The following MRPL21 variants were observed in gnomAD, a reference collection of about 807,000 sequenced individuals.
MRPL21 encodes the protein mitochondrial ribosomal protein L21.
In MRPL21, 20 loss-of-function variants were observed where a neutral mutation model predicts 27.3. That is an observed-to-expected ratio of 0.73 (90% CI 0.52 to 1.06). MRPL21 has a LOEUF of 1.06. Ranked by LOEUF, MRPL21 falls within the 50% of genes least tolerant of loss-of-function variation. The probability of loss-of-function intolerance (pLI) is 0.00; values close to 1 mark genes in which losing one functional copy is unlikely to be tolerated. For missense variants in MRPL21, 249 were observed against 251.4 expected, an observed-to-expected ratio of 0.99 and a Z score of 0.06; for synonymous variants, 98 against 101.5, an observed-to-expected ratio of 0.97 and a Z score of 0.21.
Position 68,902,002 on chromosome 11 carries a change from G to A in MRPL21, c.89-1397C>T, listed in dbSNP as rs142409937. ...AATCCATCCCACTATTAAAAACTTA[G>A]CAGGCTTCTGTACCTAATTTGCTTC... On this transcript the variant is annotated intron_variant, in intron 1 of 6. Coordinates refer to ENST00000362034, the MANE Select transcript of MRPL21 (RefSeq NM_181514.2). Among the ~76,000 whole-genome samples the A allele has an allele frequency of 2.4e-3, 362 of 152,306 alleles. 2 individuals are homozygous for A. Among genetic ancestry groups the A allele is most frequent in the African/African-American group, 8.4e-3 (348 of 41,552 alleles).
Position 68,893,427 on chromosome 11 carries a change from G to A in MRPL21, c.425C>T (p.Thr142Met), listed in dbSNP as rs757166826. The change falls in exon 5 of 7, where the codon ACG (threonine) becomes ATG (methionine). Residue 142 changes from threonine (T) to methionine (M), a missense_variant. Transcript: ENST00000362034. ...CCCGAGGAGTGGCTTGCCAAGCAGCGTGAAGTTGTCTGCCCCAACCAGCAG... is the reference window on the plus strand; with the variant it reads ...CCCGAGGAGTGGCTTGCCAAGCAGCATGAAGTTGTCTGCCCCAACCAGCAG... ...KVLLVGADNFTLLGKPLLGKD... is the reference protein window; with the variant it reads ...KVLLVGADNFMLLGKPLLGKD... 1.9e-5 allele frequency: 31 copies of A among 1,614,022 alleles called. 1 individual carries two copies. Among genetic ancestry groups the A allele is most frequent in the South Asian group, 1.1e-4 (10 of 91,088 alleles).
intron 5 of MRPL21, 42 bp from the exon 6 acceptor site, chr11:68,893,035 AT>A: frequency 6.7e-7 from 1 of 1,500,264 alleles, no homozygotes; most frequent in Non-Finnish European, 8.9e-7. Flanking sequence ...CTTTTGGATT[AT>A]TTTTCAAATG....
Position 68,891,414 on chromosome 11 carries a change from C to A in MRPL21, c.554-19G>T, listed in dbSNP as rs1476461836. On this transcript the variant is annotated intron_variant, in intron 6 of 6. Coordinates refer to ENST00000362034, the MANE Select transcript of MRPL21 (RefSeq NM_181514.2). The stretch of plus-strand genomic sequence containing the variant: ...GTGACGACTGAAAGAAAGGATGTCA[C>A]AGGCTTGACCACAGACCCTGACTGT... 1 of 1,613,322 alleles carries A rather than the reference C, an allele frequency of 6.2e-7. No individual in the cohort carries two copies.
At chr11:68,900,652 T>C (rs766946282) in intron 1 of MRPL21, 47 bp from the exon 2 acceptor site, 12 of 1,503,372 alleles carry the variant, frequency 8.0e-6, no homozygotes, top group South Asian at 1.1e-5. Context: ...ATACTACAAA[T>C]GCAAACTGCC....
rs1857641602 is a variant in MRPL21, at chr11:68,891,338, A to G, written c.611T>C (p.Leu204Ser). ...RINSIEIAPC[L>S]L ...TAAGTATTAACTCGGTAATCACAACAAACACGGAGCAATCTCAATGCTGTT... is the reference window on the plus strand; with the variant it reads ...TAAGTATTAACTCGGTAATCACAACGAACACGGAGCAATCTCAATGCTGTT... Residue 204 changes from leucine (L) to serine (S), a missense_variant, in exon 7 of 7, where the codon TTG (leucine) becomes TCG (serine). By Grantham distance (145) the Leu-to-Ser change is moderately radical (BLOSUM62 -2). Coordinates refer to ENST00000362034, the MANE Select transcript of MRPL21 (RefSeq NM_181514.2). 6.2e-7 allele frequency: 1 copy of G among 1,613,958 alleles called. No homozygotes were observed. The highest frequency in any genetic ancestry group is 1.3e-5 in the African/African-American group (1 of 74,934).
chr11:68,893,630 G>A (rs749491835), intron 4 of MRPL21, among the ~76,000 whole-genome samples, 175 bp from the exon 5 acceptor site: 5 of 152,386 alleles, frequency 3.3e-5, no homozygotes, highest in Middle Eastern at 3.4e-3. Flanking sequence ...GGGGCTGTGA[G>A]CTGACAAGTG....
Position 68,897,095 on chromosome 11 carries a change from G to A in MRPL21, c.233-417C>T, listed in dbSNP as rs532974859. ...CAGAAGTGTGCAAACCCCAGGAAGC[G>A]AAAGGAGAGGACTTTGCAATGAGGA... On this transcript the variant is annotated intron_variant, in intron 3 of 6. Transcript: ENST00000362034. Among the ~76,000 whole-genome samples the A allele has an allele frequency of 5.3e-5, 8 of 152,282 alleles. No individual in the cohort carries two copies. In the South Asian group the frequency reaches 1.2e-3, roughly 24 times the overall value.
intron 2 of MRPL21, among the ~76,000 whole-genome samples, chr11:68,899,876 T>C (rs1297896964): frequency 6.6e-6 from 1 of 152,222 alleles, no homozygotes; most frequent in Admixed American, 6.5e-5. Flanking sequence ...GAGCTTTAAA[T>C]GTATACATTT....
At chr11:68,900,144 GT>G (rs1479100783) in intron 2 of MRPL21, among the ~76,000 whole-genome samples, 1 of 152,212 alleles carries the variant, frequency 6.6e-6, no homozygotes, top group African/African-American at 2.4e-5. Flanking sequence ...CAAATAATGA[GT>G]TTCTCTTAGA....
At chr11:68,899,126 C>T (rs149965543) in intron 2 of MRPL21, among the ~76,000 whole-genome samples, 144 of 152,210 alleles carry the variant, frequency 9.5e-4, no homozygotes, top group African/African-American at 3.4e-3. Flanking sequence ...CCTGCCTGCT[C>T]AGCCTCAGGT....
chr11:68,893,500 G>C lies in MRPL21; in HGVS notation c.397-45C>G, dbSNP rs1267740846. 2.5e-6 allele frequency: 4 copies of C among 1,613,138 alleles called. No homozygotes were observed. The African/African-American group carries it at 5.3e-5, about 22-fold the overall frequency. ...TGTTTCATCAGTGGCTCATTACGAT[G>C]AGTAAGAACAGTTGCTAATAACAGG... On this transcript the variant is annotated intron_variant, in intron 4 of 6. Coordinates refer to ENST00000362034, the MANE Select transcript of MRPL21 (RefSeq NM_181514.2).
chr11:68,895,302 A>G (rs1333652109), intron 4 of MRPL21, among the ~76,000 whole-genome samples: 1 of 151,990 alleles, frequency 6.6e-6, no homozygotes, highest in African/African-American at 2.4e-5. Context: ...GCAAAAATCA[A>G]ATAGACGCCC....
At chr11:68,902,682 G>A (rs977402900) in intron 1 of MRPL21, among the ~76,000 whole-genome samples, 4 of 152,058 alleles carry the variant, frequency 2.6e-5, no homozygotes, top group African/African-American at 9.7e-5. Context: ...CTACATTAGG[G>A]GTTCACCCTT....
chr11:68,892,807 C>G (rs1194377073), intron 6 of MRPL21, 83 bp downstream of exon 6: 12 of 1,562,116 alleles, frequency 7.7e-6, no homozygotes, highest in Non-Finnish European at 1.0e-5. Flanking sequence ...TCCCGAGACC[C>G]ACGTGCCCCA....
intron 1 of MRPL21, 56 bp downstream of exon 1, chr11:68,903,667 C>G: frequency 6.3e-7 from 1 of 1,583,224 alleles, no homozygotes. Context: ...GTGGCGAGAC[C>G]GCAGGGAGCA....
intron 4 of MRPL21, 88 bp downstream of exon 4, chr11:68,896,427 G>C: frequency 6.7e-7 from 1 of 1,501,534 alleles, no homozygotes; most frequent in South Asian, 1.2e-5. Context: ...GGGTCGGCGA[G>C]GGTCCCTCCT....
chr11:68,891,328 T>C lies in MRPL21; in HGVS notation c.*3A>G, dbSNP rs1251945692. 1 of 1,613,764 alleles carries C rather than the reference T, an allele frequency of 6.2e-7. No individual in the cohort carries two copies. Among genetic ancestry groups the C allele is most frequent in the East Asian group, 2.2e-5 (1 of 44,890 alleles). The stretch of plus-strand genomic sequence containing the variant: ...TATCCTTTTGTAAGTATTAACTCGG[T>C]AATCACAACAAACACGGAGCAATCT... On this transcript the variant is annotated 3_prime_UTR_variant, in exon 7 of 7. Transcript: ENST00000362034.
In MRPL21 at chr11:68,903,169, AACAT is replaced by A. The variant is rs1366379167; in HGVS notation, c.88+550_88+553del. 3.3e-5 allele frequency among the ~76,000 whole-genome samples: 5 copies of A among 152,306 alleles called. No individual in the cohort carries two copies. The South Asian group carries it at 6.2e-4, about 19-fold the overall frequency. On this transcript the variant is annotated intron_variant, in intron 1 of 6. Coordinates refer to ENST00000362034, the MANE Select transcript of MRPL21 (RefSeq NM_181514.2). ...GGTGAGACATGAAACCCAGGTTTAA[AACAT>A]ACATAAACACTCATGCACACAAATA...
At chr11:68,903,486 TC>T (rs1413669309) in intron 1 of MRPL21, among the ~76,000 whole-genome samples, 1 of 152,124 alleles carries the variant, frequency 6.6e-6, no homozygotes, top group African/African-American at 2.4e-5. Flanking sequence ...CTCACTCTTC[TC>T]CCCCATAACA....
Sources: gnomAD v4.1 joint callset for allele counts (sites outside exome capture counted in the v4.1 genomes callset) on GRCh38, gnomAD v4.1.1 for gene constraint, MANE v1.5 for transcripts, NCBI Gene and HGNC (gene_info 2026-07-23, HGNC 2026-07-21) for gene names.